The following SEZ6L variants were observed in gnomAD, a reference collection of about 807,000 sequenced individuals.
SEZ6L encodes seizure related 6 homolog like.
In SEZ6L, 37 loss-of-function variants were observed where a neutral mutation model predicts 106.2. That is an observed-to-expected ratio of 0.35 (90% confidence interval 0.27 to 0.46). The LOEUF is 0.46. Among genes scored for constraint, SEZ6L ranks in the 20% least tolerant of loss-of-function variants. The pLI is 1.00. For synonymous variants in SEZ6L, 541 were observed against 570.4 expected, an observed-to-expected ratio of 0.95 and a Z score of 0.73; for missense variants, 1,172 against 1,332.8, an observed-to-expected ratio of 0.88 and a Z score of 1.88.
chr22:26,309,565 A>G (rs633132), intron 6 of SEZ6L, among the ~76,000 whole-genome samples: 39,141 of 151,886 alleles, frequency 0.26, 5,526 homozygotes, highest in African/African-American at 0.33. Context: ...AACAAAACTT[A>G]CCTACCGTGT....
intron 12 of SEZ6L, among the ~76,000 whole-genome samples, chr22:26,360,297 G>A (rs1290429079): frequency 1.3e-5 from 2 of 152,178 alleles, no homozygotes. Context: ...CAGGTCTAAC[G>A]ATTTATCCTT....
intron 1 of SEZ6L, among the ~76,000 whole-genome samples, chr22:26,248,766 G>A (rs747445437): frequency 5.9e-5 from 9 of 152,222 alleles, no homozygotes; most frequent in Non-Finnish European, 1.0e-4. Flanking sequence ...TTGCATAAAA[G>A]ACCAACTCCA....
At chr22:26,304,036 T>G (rs1227183706) in intron 5 of SEZ6L, among the ~76,000 whole-genome samples, 1 of 152,140 alleles carries the variant, frequency 6.6e-6, no homozygotes, top group Non-Finnish European at 1.5e-5. Context: ...GAGAAGCATC[T>G]GCTACCCACC....
intron 1 of SEZ6L, among the ~76,000 whole-genome samples, chr22:26,208,049 A>G (rs982669923): frequency 1.3e-5 from 2 of 151,758 alleles, no homozygotes; most frequent in African/African-American, 4.8e-5. Flanking sequence ...AGCTGGGACT[A>G]CAGGCGCGCG....
At chr22:26,275,974 C>T (rs915329274) in intron 1 of SEZ6L, among the ~76,000 whole-genome samples, 1 of 152,190 alleles carries the variant, frequency 6.6e-6, no homozygotes, top group African/African-American at 2.4e-5. Context: ...ACAGCCCCTT[C>T]CCTCACCTCA....
At chr22:26,291,422 A>G (rs1193564249) in intron 1 of SEZ6L, among the ~76,000 whole-genome samples, 1 of 149,694 alleles carries the variant, frequency 6.7e-6, no homozygotes, top group Middle Eastern at 3.2e-3. Context: ...GGGGAGTAAC[A>G]CACACTGGGG....
chr22:26,381,738 C>A lies in SEZ6L; in HGVS notation c.*1443C>A. ...AAAGAGAAGGTGGAGGGTGCGGGTG[C>A]ATGGAAGAAATACTATGTGTGAAGC... is the stretch of plus-strand genomic sequence containing the variant. On this transcript the variant is annotated 3_prime_UTR_variant, in exon 17 of 17. Coordinates refer to ENST00000248933, the MANE Select transcript of SEZ6L (RefSeq NM_021115.5). 4.0e-6 allele frequency: 1 copy of A among 247,386 alleles called. No individual in the cohort carries two copies. The highest frequency in any genetic ancestry group is 1.0e-4 in the East Asian group (1 of 9,924). The allele number at this position is 247,386 out of a possible 1,614,324, so 15.3% of individuals were successfully genotyped here. A position where few individuals can be genotyped will look rare whatever the true frequency, so the allele number is the denominator to read the frequency against.
At chr22:26,349,985 G>T (rs1034218231) in intron 11 of SEZ6L, among the ~76,000 whole-genome samples, 2 of 151,900 alleles carry the variant, frequency 1.3e-5, no homozygotes, top group South Asian at 2.1e-4. Context: ...AGCAGTGAAG[G>T]CTCCCCCTCA....
intron 9 of SEZ6L, among the ~76,000 whole-genome samples, chr22:26,332,220 G>T (rs1357163682): frequency 1.4e-5 from 2 of 147,914 alleles, no homozygotes; most frequent in African/African-American, 5.0e-5. Context: ...CGCGATCTCG[G>T]CTCACTGCAA....
intron 1 of SEZ6L, among the ~76,000 whole-genome samples, chr22:26,251,640 T>C (rs937522875): frequency 6.6e-6 from 1 of 152,184 alleles, no homozygotes; most frequent in Non-Finnish European, 1.5e-5. Flanking sequence ...TTAGGGCTGC[T>C]AGGGGGATCC....
chr22:26,185,176 G>A (rs1466130694), intron 1 of SEZ6L, among the ~76,000 whole-genome samples: 1 of 152,224 alleles, frequency 6.6e-6, no homozygotes, highest in African/African-American at 2.4e-5. Flanking sequence ...TGTATGTGAA[G>A]GGGTTAAAAA....
intron 1 of SEZ6L, among the ~76,000 whole-genome samples, chr22:26,268,152 C>A (rs1228992294): frequency 2.6e-5 from 4 of 152,326 alleles, no homozygotes; most frequent in African/African-American, 9.6e-5. Flanking sequence ...TCAGGAGTTT[C>A]CTTTGTAACG....
chr22:26,363,936 C>T (rs2083720342), intron 12 of SEZ6L, among the ~76,000 whole-genome samples: 1 of 152,222 alleles, frequency 6.6e-6, no homozygotes, highest in Non-Finnish European at 1.5e-5. Flanking sequence ...TCTGATTCCA[C>T]TTACATGCGA....
intron 1 of SEZ6L, among the ~76,000 whole-genome samples, chr22:26,267,502 A>G (rs1265093691): frequency 6.6e-6 from 1 of 152,190 alleles, no homozygotes; most frequent in Non-Finnish European, 1.5e-5. Flanking sequence ...GCAAAACACT[A>G]TTTTACAAGA....
intron 1 of SEZ6L, among the ~76,000 whole-genome samples, chr22:26,221,699 C>G (rs924650483): frequency 5.3e-5 from 8 of 151,832 alleles, no homozygotes; most frequent in Non-Finnish European, 1.2e-4. Context: ...TCTCTCGTAC[C>G]TGGTGTGTGT....
intron 3 of SEZ6L, among the ~76,000 whole-genome samples, chr22:26,295,161 A>C (rs1295311444): frequency 6.6e-6 from 1 of 152,236 alleles, no homozygotes; most frequent in Admixed American, 6.5e-5. Flanking sequence ...CGATCAATAA[A>C]ATAGGAATAA....
At position 26,169,781 on chromosome 22, in the gene SEZ6L, C is replaced by T. The variant is rs1938446623; in HGVS notation, c.94+18C>T. 1 of 1,221,070 alleles carries T rather than the reference C, an allele frequency of 8.2e-7. No individual in the cohort carries two copies. 75.6% of individuals were successfully genotyped at this position (1,221,070 alleles called of 1,614,324 possible). A position where few individuals can be genotyped will look rare whatever the true frequency, so the allele number is the denominator to read the frequency against. Reference sequence around the variant, plus strand: ...GGAGCGAGGTAAGCGCCCCGAGGGGCGGGGCGGGCAGGGGGCAAAGTTGCC... The same window carrying T: ...GGAGCGAGGTAAGCGCCCCGAGGGGTGGGGCGGGCAGGGGGCAAAGTTGCC... On this transcript the variant is annotated intron_variant, in intron 1 of 16. Transcript: ENST00000248933.
chr22:26,355,631 G>A (rs1374254467), intron 12 of SEZ6L, among the ~76,000 whole-genome samples: 3 of 152,218 alleles, frequency 2.0e-5, no homozygotes, highest in Non-Finnish European at 2.9e-5. Context: ...TCAGGAGGCC[G>A]AGGCAGGAAA....
At chr22:26,264,985 C>T (rs956194906) in intron 1 of SEZ6L, among the ~76,000 whole-genome samples, 49 of 152,132 alleles carry the variant, frequency 3.2e-4, no homozygotes, top group African/African-American at 1.1e-3. Context: ...CTGCAGGCTA[C>T]GGTGCATTCA....
Sources: allele counts gnomAD v4.1 joint callset (sites outside exome capture counted in the v4.1 genomes callset), GRCh38; gene constraint gnomAD v4.1.1; transcripts MANE v1.5; gene names NCBI Gene and HGNC (gene_info 2026-07-23, HGNC 2026-07-21).